Variants in WSCD2 observed in about 807,000 individuals in gnomAD.
WSCD2 encodes WSC domain sialate O sulfotransferase 2.
Under a neutral mutation model 55.7 loss-of-function variants are expected in WSCD2, and 28 were observed. The ratio of observed to expected loss-of-function variants is 0.50; its 90% confidence interval spans 0.37 to 0.69. WSCD2 has a LOEUF of 0.69. Among genes scored for constraint, WSCD2 ranks in the 30% least tolerant of loss-of-function variants. WSCD2 has a pLI of 0.00. For synonymous variants in WSCD2, 301 were observed against 301.9 expected (o/e 1.00, Z 0.03); for missense variants, 616 against 762.1 (o/e 0.81, Z 2.26).
intron 1 of WSCD2, among the ~76,000 whole-genome samples, chr12:108,141,969 G>T (rs973157721): frequency 6.6e-6 from 1 of 152,186 alleles, no homozygotes; most frequent in African/African-American, 2.4e-5. Flanking sequence ...AGAGAACAGG[G>T]TGATTTCAGC....
chr12:108,247,981 C>G lies in WSCD2; in HGVS notation c.1346-10C>G. On this transcript the variant is annotated splice_polypyrimidine_tract_variant and intron_variant, in intron 8 of 8. Transcript: ENST00000547525. ...TCCCTCTGACTGTGTCCTTTCTCCT[C>G]TCTCTGCAGAGTGGCCAGAGTTCGT... The G allele has an allele frequency of 6.2e-7, 1 of 1,607,162 alleles. No individual in the cohort carries two copies.
chr12:108,188,093 C>T (rs1403530836), intron 1 of WSCD2, among the ~76,000 whole-genome samples: 2 of 152,108 alleles, frequency 1.3e-5, no homozygotes, highest in Non-Finnish European at 2.9e-5. Flanking sequence ...GTGTTAAAGG[C>T]CATTAAGCTA....
intron 1 of WSCD2, among the ~76,000 whole-genome samples, chr12:108,142,136 A>G (rs1876887384): frequency 1.3e-5 from 2 of 152,148 alleles, no homozygotes; most frequent in Non-Finnish European, 1.5e-5. Flanking sequence ...CTTTTATTAG[A>G]ACATTTTTAT....
chr12:108,212,780 G>A (rs968406459), intron 4 of WSCD2, among the ~76,000 whole-genome samples: 3 of 152,132 alleles, frequency 2.0e-5, no homozygotes, highest in Non-Finnish European at 4.4e-5. Flanking sequence ...TATTTGGGTG[G>A]TGCTTTGTAC....
intron 1 of WSCD2, among the ~76,000 whole-genome samples, chr12:108,167,142 T>C (rs192258310): frequency 5.3e-5 from 8 of 152,220 alleles, no homozygotes; most frequent in Admixed American, 5.2e-4. Flanking sequence ...GGATGCCACT[T>C]CTCCTCTCTG....
chr12:108,142,159 G>T (rs1467613637), intron 1 of WSCD2, among the ~76,000 whole-genome samples: 2 of 152,120 alleles, frequency 1.3e-5, no homozygotes, highest in Non-Finnish European at 2.9e-5. Flanking sequence ...TTTTATTAAA[G>T]GAGCTTTTCC....
chr12:108,157,216 A>G (rs117288323), intron 1 of WSCD2, among the ~76,000 whole-genome samples: 2,578 of 152,350 alleles, frequency 0.017, 39 homozygotes, highest in Middle Eastern at 0.065. Context: ...GTAGCAAAGT[A>G]CAGAGAGTTC....
chr12:108,164,875 G>C (rs1426553226), intron 1 of WSCD2, among the ~76,000 whole-genome samples: 1 of 152,174 alleles, frequency 6.6e-6, no homozygotes, highest in African/African-American at 2.4e-5. Flanking sequence ...GGGTTTCAGA[G>C]ATGTGATGTA....
chr12:108,180,076 AAAG>A (rs1395002967), intron 1 of WSCD2, among the ~76,000 whole-genome samples: 1 of 151,744 alleles, frequency 6.6e-6, no homozygotes, highest in Non-Finnish European at 1.5e-5. Context: ...AAGAAAAAGA[AAAG>A]AAAAGAAAAG....
intron 2 of WSCD2, among the ~76,000 whole-genome samples, chr12:108,197,354 G>A (rs1248239738): frequency 6.6e-6 from 1 of 152,104 alleles, no homozygotes; most frequent in African/African-American, 2.4e-5. Flanking sequence ...CTATCTTTCT[G>A]CCCTCAGGAA....
chr12:108,174,660 G>A (rs1213261112), intron 1 of WSCD2, among the ~76,000 whole-genome samples: 2 of 152,078 alleles, frequency 1.3e-5, no homozygotes, highest in East Asian at 1.9e-4. Context: ...TGTTGCCCAG[G>A]CTCGAGTGCA....
chr12:108,166,712 TTCCC>T (rs1322310159), intron 1 of WSCD2, among the ~76,000 whole-genome samples: 6 of 150,724 alleles, frequency 4.0e-5, no homozygotes, highest in Non-Finnish European at 8.9e-5. Flanking sequence ...CTTTCTTTCT[TTCCC>T]TCCTTCTTTC....
intron 1 of WSCD2, among the ~76,000 whole-genome samples, chr12:108,178,950 G>A (rs1881282384): frequency 6.6e-6 from 1 of 152,148 alleles, no homozygotes; most frequent in South Asian, 2.1e-4. Context: ...ACCTCTGAAG[G>A]AGATACTGTC....
rs74640546 is a variant in WSCD2, at chr12:108,211,575, G to A, written c.682+1270G>A. On this transcript the variant is annotated intron_variant, in intron 4 of 8. Transcript: ENST00000547525. ...GGGCCTCTTGCATGTGAATTTCATC[G>A]TTTATAGAAACTCATTGTTTGTTTG... Among the ~76,000 whole-genome samples, 233 of 150,654 alleles carry A rather than the reference G, an allele frequency of 1.5e-3. 1 individual carries two copies. Among genetic ancestry groups the A allele is most frequent in the African/African-American group, 5.5e-3 (224 of 40,838 alleles).
intron 1 of WSCD2, among the ~76,000 whole-genome samples, chr12:108,155,437 A>G (rs1345049091): frequency 6.6e-6 from 1 of 152,220 alleles, no homozygotes; most frequent in African/African-American, 2.4e-5. Flanking sequence ...AGGACACGTT[A>G]TATTTTCTGG....
chr12:108,215,679 A>T (rs907474429), intron 4 of WSCD2, among the ~76,000 whole-genome samples: 8 of 152,180 alleles, frequency 5.3e-5, no homozygotes, highest in Admixed American at 2.6e-4. Flanking sequence ...CCTCCTCACC[A>T]GCATCTTTAA....
At chr12:108,153,479 T>C (rs1201299998) in intron 1 of WSCD2, among the ~76,000 whole-genome samples, 1 of 152,186 alleles carries the variant, frequency 6.6e-6, no homozygotes, top group Admixed American at 6.5e-5. Context: ...TTTTCTGCAG[T>C]ATCAGTGGGG....
At chr12:108,202,502 C>G (rs1427597976) in intron 2 of WSCD2, among the ~76,000 whole-genome samples, 1 of 152,126 alleles carries the variant, frequency 6.6e-6, no homozygotes, top group Admixed American at 6.5e-5. Context: ...GACAGAGCAC[C>G]ATTTAAAAGC....
At chr12:108,133,930 A>G (rs144587953) in intron 1 of WSCD2, among the ~76,000 whole-genome samples, 1 of 152,354 alleles carries the variant, frequency 6.6e-6, no homozygotes, top group African/African-American at 2.4e-5. Context: ...ATTAGGAGCA[A>G]CTTGTTTTCC....
Sources: allele counts gnomAD v4.1 joint callset (sites outside exome capture counted in the v4.1 genomes callset), GRCh38; gene constraint gnomAD v4.1.1; transcripts MANE v1.5; gene names NCBI Gene and HGNC (gene_info 2026-07-23, HGNC 2026-07-21).